Variants in KIDINS220 observed in about 807,000 individuals in gnomAD.
KIDINS220 encodes the protein kinase D interacting substrate 220.
In KIDINS220, 63 loss-of-function variants were observed where a neutral mutation model predicts 157.6. That is an observed-to-expected ratio of 0.40 (90% CI 0.33 to 0.49). KIDINS220 has a LOEUF of 0.49. Among genes scored for constraint, KIDINS220 ranks in the 20% least tolerant of loss-of-function variants. The probability of loss-of-function intolerance (pLI) is 0.66; values close to 1 mark genes in which losing one functional copy is unlikely to be tolerated. For synonymous variants in KIDINS220, 732 were observed against 783.6 expected (o/e 0.93, Z 1.10); for missense variants, 1,772 against 2,171.2 (o/e 0.82, Z 3.65).
chr2:8,816,762 C>A (rs947574016), intron 4 of KIDINS220, among the ~76,000 whole-genome samples: 1 of 152,212 alleles, frequency 6.6e-6, no homozygotes, highest in East Asian at 1.9e-4. Context: ...TTCACTGCAA[C>A]GTACTTAAGT....
intron 17 of KIDINS220, among the ~76,000 whole-genome samples, chr2:8,781,951 A>T (rs937981690): frequency 6.6e-6 from 1 of 151,980 alleles, no homozygotes; most frequent in African/African-American, 2.4e-5. Flanking sequence ...GTGAAACCCT[A>T]TATCTACAAA....
At chr2:8,826,122 T>G (rs1678778220) in intron 2 of KIDINS220, among the ~76,000 whole-genome samples, 1 of 152,124 alleles carries the variant, frequency 6.6e-6, no homozygotes, top group Non-Finnish European at 1.5e-5. Context: ...GTTTGGCTTT[T>G]CATAATGAAC....
intron 21 of KIDINS220, among the ~76,000 whole-genome samples, chr2:8,775,872 G>A (rs186709107): frequency 7.7e-4 from 117 of 152,240 alleles, no homozygotes; most frequent in Admixed American, 2.2e-3. Context: ...ATTCTGTGAC[G>A]TTATATCTTT....
chr2:8,779,181 T>C (rs761323656), intron 18 of KIDINS220, 42 bp from the exon 19 acceptor site: 1 of 1,599,454 alleles, frequency 6.3e-7, no homozygotes, highest in South Asian at 1.1e-5. Context: ...ACATTTTAAA[T>C]TGTCCAAAAG....
At chr2:8,741,670 G>A (rs915487435) in intron 26 of KIDINS220, among the ~76,000 whole-genome samples, 3 of 152,102 alleles carry the variant, frequency 2.0e-5, no homozygotes, top group East Asian at 1.9e-4. Context: ...ACTTTTAACT[G>A]TACTCTAGGA....
intron 2 of KIDINS220, among the ~76,000 whole-genome samples, chr2:8,825,546 T>C (rs1053624419): frequency 1.3e-5 from 2 of 152,204 alleles, no homozygotes; most frequent in African/African-American, 4.8e-5. Flanking sequence ...CTACACAAGA[T>C]ATATATGTAA....
At chr2:8,806,813 T>C (rs1675520111) in intron 6 of KIDINS220, among the ~76,000 whole-genome samples, 1 of 152,216 alleles carries the variant, frequency 6.6e-6, no homozygotes, top group Non-Finnish European at 1.5e-5. Flanking sequence ...ACTCCTGACC[T>C]CAAGTGATCT....
chr2:8,744,363 CAAAAAAAAAAAAA>C (rs547083543), intron 26 of KIDINS220, among the ~76,000 whole-genome samples: 178 of 9,090 alleles, frequency 0.02, no homozygotes, highest in Middle Eastern at 0.12. Context: ...TTCCTCATGG[CAAAAAAAAAAAAA>C]AAAAAAAAAA....
chr2:8,806,470 C>T (rs1393147281), intron 6 of KIDINS220, 101 bp from the exon 7 acceptor site: 1 of 694,150 alleles, frequency 1.4e-6, no homozygotes, highest in Non-Finnish European at 2.4e-6. Flanking sequence ...TTTTATCATT[C>T]TCATAAAACT....
chr2:8,773,302 T>C (rs1670483582), intron 21 of KIDINS220, among the ~76,000 whole-genome samples: 1 of 152,224 alleles, frequency 6.6e-6, no homozygotes, highest in African/African-American at 2.4e-5. Context: ...CTTTCTATTC[T>C]GAAATGTGTA....
In KIDINS220 at chr2:8,784,377, G is replaced by C. The variant is rs201841909; in HGVS notation, c.2229+1364C>G. On this transcript the variant is annotated intron_variant, in intron 17 of 29. Transcript: ENST00000256707. Reference sequence around the variant, plus strand: ...AGGTTTGGTGTTAACTTTTTAGATAGGACACTAAAAGCAAGATCCATGAAA... The same window carrying C: ...AGGTTTGGTGTTAACTTTTTAGATACGACACTAAAAGCAAGATCCATGAAA... Among the ~76,000 whole-genome samples, 5 of 152,092 alleles carry C rather than the reference G, an allele frequency of 3.3e-5. No individual in the cohort carries two copies. In the East Asian group the frequency reaches 9.7e-4, roughly 29 times the overall value.
chr2:8,770,660 CA>C lies in KIDINS220; in HGVS notation c.3011+9del. On this transcript the variant is annotated intron_variant, in intron 22 of 29. Coordinates refer to ENST00000256707, the MANE Select transcript of KIDINS220 (RefSeq NM_020738.4). ...AATAAAGTAAAATACAAAGAGGTCA[CA>C]AAAGGTACCTTTCGTAGATGGTTTT... 2 of 1,524,386 alleles carry C rather than the reference CA, an allele frequency of 1.3e-6. No homozygotes were observed. The highest frequency in any genetic ancestry group is 1.8e-6 in the Non-Finnish European group (2 of 1,126,156). The allele number at this position is 1,524,386 out of a possible 1,614,324, so 94.4% of individuals were successfully genotyped here.
chr2:8,834,152 G>A (rs1261093141), intron 1 of KIDINS220, among the ~76,000 whole-genome samples: 1 of 152,052 alleles, frequency 6.6e-6, no homozygotes, highest in Non-Finnish European at 1.5e-5. Context: ...ACATTCCTGG[G>A]CCTGGGTGGC....
At chr2:8,771,517 T>C (rs1349706274) in intron 21 of KIDINS220, among the ~76,000 whole-genome samples, 1 of 152,192 alleles carries the variant, frequency 6.6e-6, no homozygotes, top group African/African-American at 2.4e-5. Context: ...TTGTATCATG[T>C]TTCACCATGA....
rs1361907230 is a variant in KIDINS220 at position 8,729,541 on chromosome 2, A to G, written c.*1179T>C. Reference sequence around the variant, plus strand: ...TGTGACCATTCTCTTAACTCGGCTAATAATTAATGGAAAGTACACTTTTAC... The same window carrying G: ...TGTGACCATTCTCTTAACTCGGCTAGTAATTAATGGAAAGTACACTTTTAC... On this transcript the variant is annotated 3_prime_UTR_variant, in exon 30 of 30. Coordinates refer to ENST00000256707, the MANE Select transcript of KIDINS220 (RefSeq NM_020738.4). The G allele has an allele frequency of 5.1e-6, 5 of 981,426 alleles. No individual in the cohort carries two copies. The African/African-American group carries it at 5.2e-5, about 10-fold the overall frequency. 60.8% of individuals were successfully genotyped at this position (981,426 alleles called of 1,614,324 possible).
chr2:8,748,828 A>C (rs919404134), intron 24 of KIDINS220, among the ~76,000 whole-genome samples: 3 of 152,226 alleles, frequency 2.0e-5, no homozygotes, highest in Non-Finnish European at 4.4e-5. Context: ...AAAAATGATA[A>C]AATACTATTA....
In KIDINS220 at chr2:8,818,745, T is replaced by C. The variant is rs2148401529; in HGVS notation, c.157A>G (p.Ile53Val). Reference protein sequence around the residue: ...MIAAEQGNLEIVKELIKNGAN... With the variant: ...MIAAEQGNLEVVKELIKNGAN... ...CCATTCTTAATTAATTCCTTCACTA[T>C]TTCCAGATTGCCTTGTTCGGCAGCT... The change falls in exon 3 of 30, where the codon ATA becomes GTA. Residue 53 changes from isoleucine to valine, a missense_variant. This residue lies in a region of KIDINS220 where 254 missense variants were observed against 268.6 expected (regional missense o/e 0.95). Transcript: ENST00000256707. The C allele has an allele frequency of 6.2e-7, 1 of 1,610,566 alleles. No individual in the cohort carries two copies. Among genetic ancestry groups the C allele is most frequent in the Non-Finnish European group, 8.5e-7 (1 of 1,177,660 alleles).
chr2:8,750,160 G>A lies in KIDINS220; in HGVS notation c.3366C>T (p.Ser1122=), dbSNP rs765191291. 6.2e-7 allele frequency: 1 copy of A among 1,614,196 alleles called. No homozygotes were observed. Among genetic ancestry groups the A allele is most frequent in the Non-Finnish European group, 8.5e-7 (1 of 1,180,018 alleles). Residue 1122 remains serine, a synonymous_variant, in exon 24 of 30, where the codon AGC becomes AGT. Transcript: ENST00000256707. ...GGCCCGTCATGCCGCTGTAATAGCT[G>A]CTGTGAGGCTGTGGTGACACCACTC... ...AGGVVSPQPH[S]SYYSGMTGPQ...
intron 22 of KIDINS220, among the ~76,000 whole-genome samples, chr2:8,755,169 G>GC (rs1667854627): frequency 6.6e-6 from 1 of 152,186 alleles, no homozygotes; most frequent in Non-Finnish European, 1.5e-5. Flanking sequence ...AAAGGCAAAA[G>GC]CCCTGGATAC....
Sources: allele counts gnomAD v4.1 joint callset (sites outside exome capture counted in the v4.1 genomes callset), GRCh38; gene constraint gnomAD v4.1.1; regional missense constraint gnomAD v4.1.1; transcripts MANE v1.5; gene names NCBI Gene and HGNC (gene_info 2026-07-23, HGNC 2026-07-21).